Variants in CFAP69 observed in about 807,000 individuals in gnomAD.
CFAP69 encodes cilia- and flagella-associated protein 69.
In CFAP69, 92 loss-of-function variants were observed where a neutral mutation model predicts 123.0. The observed-to-expected ratio is 0.75, with a 90% CI of 0.63 to 0.89. The LOEUF (loss-of-function observed/expected upper bound fraction) is 0.89, where lower values mean the gene tolerates loss of function less well. CFAP69 is among the 40% of genes least tolerant of loss of function. The pLI is 0.00. For synonymous variants in CFAP69, 380 were observed against 364.3 expected, an observed-to-expected ratio of 1.04 and a Z score of -0.49; for missense variants, 1,067 against 1,096.9, an observed-to-expected ratio of 0.97 and a Z score of 0.39.
chr7:90,305,384 CAA>C lies in CFAP69; in HGVS notation c.2265+577_2265+578del, dbSNP rs200471433. On this transcript the variant is annotated intron_variant, in intron 19 of 22. Coordinates refer to ENST00000389297, the MANE Select transcript of CFAP69 (RefSeq NM_001039706.3). ...GATATAAAACTGTTCAGAAGCCTAG[CAA>C]AAAAAAAAAAAATTATTTTTATGAG... 4.4e-5 allele frequency among the ~76,000 whole-genome samples: 6 copies of C among 135,006 alleles called. No individual in the cohort carries two copies. In the Admixed American group the frequency reaches 4.5e-4, roughly 10 times the overall value. 88.6% of individuals were successfully genotyped at this position (135,006 alleles called of 152,430 possible).
At chr7:90,251,304 C>T (rs978776760) in intron 1 of CFAP69, among the ~76,000 whole-genome samples, 1 of 152,070 alleles carries the variant, frequency 6.6e-6, no homozygotes, top group Non-Finnish European at 1.5e-5. Flanking sequence ...TTGTAGGTTG[C>T]TGACATGGGA....
At chr7:90,319,460 A>T in the CFAP69 span, 1 of 398,604 alleles carries the variant, frequency 2.5e-6, no homozygotes, top group Middle Eastern at 6.3e-4. Context: ...ATGTCCCAGA[A>T]ATCCTGAGCT....
rs767747137 is a variant in CFAP69 at position 90,300,486 on chromosome 7, T to C, written c.2050+427T>C. On this transcript the variant is annotated intron_variant, in intron 17 of 22. Coordinates refer to ENST00000389297, the MANE Select transcript of CFAP69 (RefSeq NM_001039706.3). ...GGCAACATGATCTGATTAATGTTTA[T>C]AGAGTTTACTTTTTATATGAAAGAA... 17 of 766,704 alleles carry C rather than the reference T, an allele frequency of 2.2e-5. No individual in the cohort carries two copies. The East Asian group carries it at 2.1e-3, about 93-fold the overall frequency. The allele number at this position is 766,704 out of a possible 1,614,324, so 47.5% of individuals were successfully genotyped here.
At chr7:90,281,737 G>T (rs1353846265) in intron 12 of CFAP69, among the ~76,000 whole-genome samples, 1 of 152,088 alleles carries the variant, frequency 6.6e-6, no homozygotes, top group Non-Finnish European at 1.5e-5. Context: ...TGAGTTAAAG[G>T]TATAAGAAAA....
chr7:90,285,422 T>C (rs1473940626), intron 13 of CFAP69, among the ~76,000 whole-genome samples: 3 of 152,200 alleles, frequency 2.0e-5, no homozygotes, highest in African/African-American at 7.2e-5. Flanking sequence ...ACTTTTTTTC[T>C]TTATTTAAAG....
At chr7:90,246,895 A>G (rs923806231) in intron 1 of CFAP69, among the ~76,000 whole-genome samples, 2 of 152,150 alleles carry the variant, frequency 1.3e-5, no homozygotes, top group African/African-American at 2.4e-5. Context: ...TGAAACAAGT[A>G]TACCTGTGTA....
At position 90,271,825 on chromosome 7, in the gene CFAP69, A is replaced by C; in HGVS notation, c.727A>C (p.Ile243Leu). 2 of 1,597,210 alleles carry C rather than the reference A, an allele frequency of 1.3e-6. No individual in the cohort carries two copies. The highest frequency in any genetic ancestry group is 1.7e-6 in the Non-Finnish European group (2 of 1,170,530). Reference protein sequence around the residue: ...IMMKAQAASGICTHLNDPDPS... With the variant: ...IMMKAQAASGLCTHLNDPDPS... Reference sequence around the variant, plus strand: ...GATGAAAGCACAAGCAGCCAGTGGAATCTGTACTCACCTCAATGACCCAGA... The same window carrying C: ...GATGAAAGCACAAGCAGCCAGTGGACTCTGTACTCACCTCAATGACCCAGA... The change falls in exon 8 of 23, where the codon ATC becomes CTC. Residue 243 changes from isoleucine (I) to leucine (L), a missense_variant. Coordinates refer to ENST00000389297, the MANE Select transcript of CFAP69 (RefSeq NM_001039706.3).
At chr7:90,245,576 G>C (rs779653741) in intron 1 of CFAP69, 32 bp downstream of exon 1, 1 of 1,447,526 alleles carries the variant, frequency 6.9e-7, no homozygotes, top group Non-Finnish European at 9.1e-7. Flanking sequence ...TTCAGAGGTG[G>C]AGGGGGTGGG....
At position 90,282,948 on chromosome 7, in the gene CFAP69, T is replaced by G; in HGVS notation, c.1429T>G (p.Phe477Val). The G allele has an allele frequency of 1.3e-6, 2 of 1,594,444 alleles. No individual in the cohort carries two copies. Among genetic ancestry groups the G allele is most frequent in the Non-Finnish European group, 8.5e-7 (1 of 1,171,352 alleles). Residue 477 changes from phenylalanine (F) to valine (V), a missense_variant, in exon 13 of 23, where the codon TTT (phenylalanine) becomes GTT (valine). Transcript: ENST00000389297. ...FHGTGGRGNKFAQMRYSLRLL... is the reference protein window; with the variant it reads ...FHGTGGRGNKVAQMRYSLRLL... ...TGGTACAGGTGGCCGAGGCAACAAG[T>G]TTGCCCAGATGCGTTACAGTTTAAG...
At chr7:90,319,574 G>T in the CFAP69 span, 3 of 398,454 alleles carry the variant, frequency 7.5e-6, no homozygotes, top group Non-Finnish European at 1.3e-5. Context: ...AGTTCCTTGA[G>T]ATCTATCAAT....
At chr7:90,255,187 A>G (rs1797493195) in intron 1 of CFAP69, among the ~76,000 whole-genome samples, 2 of 152,238 alleles carry the variant, frequency 1.3e-5, no homozygotes, top group African/African-American at 4.8e-5. Flanking sequence ...TTCAGGGCTG[A>G]TGAAATTTTA....
chr7:90,270,644 A>G (rs1410807590), intron 6 of CFAP69, among the ~76,000 whole-genome samples: 1 of 152,134 alleles, frequency 6.6e-6, no homozygotes, highest in Non-Finnish European at 1.5e-5. Flanking sequence ...AGATAAGACA[A>G]ACTGACAGAT....
chr7:90,275,510 G>A (rs368202562), intron 9 of CFAP69, among the ~76,000 whole-genome samples: 62 of 151,066 alleles, frequency 4.1e-4, no homozygotes, highest in East Asian at 3.7e-3. Context: ...TGGTTCTTCA[G>A]GCCACTAAGA....
chr7:90,317,520 T>TTTTTTTTTTTTTG, the CFAP69 span: 1 of 152,032 alleles, frequency 6.6e-6, no homozygotes, highest in Non-Finnish European at 1.5e-5. Context: ...AATCTTATAT[T>TTTTTTTTTTTTTG]ATCTGCTACT....
chr7:90,285,978 T>C (rs1351197688), intron 13 of CFAP69, among the ~76,000 whole-genome samples: 1 of 152,170 alleles, frequency 6.6e-6, no homozygotes, highest in African/African-American at 2.4e-5. Context: ...GCCTCTAGGT[T>C]ACTATGCAAT....
At chr7:90,263,461 CT>C (rs1798611501) in intron 4 of CFAP69, among the ~76,000 whole-genome samples, 1 of 152,102 alleles carries the variant, frequency 6.6e-6, no homozygotes, top group Admixed American at 6.5e-5. Context: ...TTTTCATAAA[CT>C]TTTTGGTTGA....
At chr7:90,292,423 C>T (rs922380247) in intron 15 of CFAP69, among the ~76,000 whole-genome samples, 2 of 152,184 alleles carry the variant, frequency 1.3e-5, no homozygotes, top group East Asian at 3.8e-4. Flanking sequence ...ATTGGCTTTA[C>T]ACATCAAGTC....
intron 4 of CFAP69, among the ~76,000 whole-genome samples, chr7:90,262,895 A>T (rs1357642904): frequency 6.6e-6 from 1 of 152,072 alleles, no homozygotes; most frequent in Non-Finnish European, 1.5e-5. Flanking sequence ...TTAAATTTGT[A>T]TTTTCTGATA....
At chr7:90,261,918 A>C in intron 3 of CFAP69, 29 bp from the exon 4 acceptor site, 1 of 1,203,944 alleles carries the variant, frequency 8.3e-7, no homozygotes, top group South Asian at 1.4e-5. Flanking sequence ...ATTAATCTGA[A>C]TTTTATTTCT....
Sources: gnomAD v4.1 joint callset for allele counts (sites outside exome capture counted in the v4.1 genomes callset) on GRCh38, gnomAD v4.1.1 for gene constraint, MANE v1.5 for transcripts, NCBI Gene and HGNC (gene_info 2026-07-23, HGNC 2026-07-21) for gene names.